MEI1: variants seen among roughly 807,000 people sequenced by gnomAD.
MEI1 encodes the protein meiosis inhibitor protein 1.
A neutral mutation model predicts 146.2 loss-of-function variants in MEI1; 103 were observed. That is an observed-to-expected ratio of 0.70 (90% confidence interval 0.60 to 0.83). The LOEUF (loss-of-function observed/expected upper bound fraction) is 0.83, where lower values mean the gene tolerates loss of function less well. MEI1 is among the 40% of genes least tolerant of loss of function. The probability of loss-of-function intolerance (pLI) is 0.00; values close to 1 mark genes in which losing one functional copy is unlikely to be tolerated. For synonymous variants in MEI1, 652 were observed against 628.2 expected (o/e 1.04, Z -0.57); for missense variants, 1,529 against 1,533.0 (o/e 1.00, Z 0.04).
Position 41,763,279 on chromosome 22 carries a change from T to C in MEI1, c.2226T>C (p.Tyr742=). Residue 742 remains tyrosine, a synonymous_variant, in exon 19 of 31, where the codon TAT becomes TAC. Coordinates refer to ENST00000401548, the MANE Select transcript of MEI1 (RefSeq NM_152513.4). Reference sequence around the variant, plus strand: ...TGGTGGTCTTCAAAGCCTCCATCTATCTGCTTGCAATCTGCCAGGACAAAG... The same window carrying C: ...TGGTGGTCTTCAAAGCCTCCATCTACCTGCTTGCAATCTGCCAGGACAAAG... ...PPLVVFKASI[Y]LLAICQDKDN... The C allele has an allele frequency of 6.2e-7, 1 of 1,614,000 alleles. No homozygotes were observed. Among genetic ancestry groups the C allele is most frequent in the Non-Finnish European group, 8.5e-7 (1 of 1,179,888 alleles).
At chr22:41,705,313 A>G (rs2069005459) in intron 2 of MEI1, among the ~76,000 whole-genome samples, 191 bp from the exon 3 acceptor site, 1 of 151,942 alleles carries the variant, frequency 6.6e-6, no homozygotes, top group Admixed American at 6.6e-5. Flanking sequence ...CTGGGACTAC[A>G]GGCACAGGCC....
chr22:41,776,123 G>T lies in MEI1; in HGVS notation c.2566G>T (p.Val856Leu). 6.2e-7 allele frequency: 1 copy of T among 1,613,948 alleles called. No homozygotes were observed. Among genetic ancestry groups the T allele is most frequent in the South Asian group, 1.1e-5 (1 of 91,082 alleles). ...ILLDLIYSSP[V>L]DTAHKVLISL... ...TCAGGACCTCATCTATTCCAGCCCA[G>T]TGGACACAGCTCACAAGGTACTGAT... Residue 856 changes from valine (V) to leucine (L), a missense_variant, in exon 21 of 31, where the codon GTG (valine) becomes TTG (leucine). Coordinates refer to ENST00000401548, the MANE Select transcript of MEI1 (RefSeq NM_152513.4).
In MEI1 at chr22:41,796,223, C is replaced by T. The variant is rs1008194148; in HGVS notation, c.3779+376C>T. On this transcript the variant is annotated intron_variant, in intron 30 of 30. Coordinates refer to ENST00000401548, the MANE Select transcript of MEI1 (RefSeq NM_152513.4). Reference sequence around the variant, plus strand: ...TCATTTTTGAGATGGAGTCTTGCTCCGTCGCCCAGGCTGGAGTGCAGTGGC... The same window carrying T: ...TCATTTTTGAGATGGAGTCTTGCTCTGTCGCCCAGGCTGGAGTGCAGTGGC... Among the ~76,000 whole-genome samples, 7 of 152,014 alleles carry T rather than the reference C, an allele frequency of 4.6e-5. No homozygotes were observed. In the South Asian group the frequency reaches 1.0e-3, roughly 23 times the overall value.
intron 10 of MEI1, 48 bp downstream of exon 10, chr22:41,732,392 A>C: frequency 6.2e-7 from 1 of 1,613,610 alleles, no homozygotes; most frequent in Non-Finnish European, 8.5e-7. Flanking sequence ...AGACTGCAGA[A>C]GGAAAAGTGG....
intron 5 of MEI1, among the ~76,000 whole-genome samples, chr22:41,716,355 CTTTTTT>C (rs6147630): frequency 2.6e-4 from 31 of 118,510 alleles, no homozygotes; most frequent in African/African-American, 9.6e-4. Context: ...TCCATTCATT[CTTTTTT>C]TTTTTTTTTT....
intron 15 of MEI1, 129 bp from the exon 16 acceptor site, chr22:41,752,462 G>A (rs748030634): frequency 9.9e-6 from 8 of 807,480 alleles, no homozygotes; most frequent in Non-Finnish European, 1.7e-5. Flanking sequence ...ACTAGACAGT[G>A]GTGGAGTACA....
chr22:41,732,632 C>T (rs1473249083), intron 11 of MEI1, 29 bp downstream of exon 11: 2 of 1,606,036 alleles, frequency 1.2e-6, no homozygotes, highest in Admixed American at 1.7e-5. Context: ...CTGAACTTTC[C>T]ATCCCTGCAT....
intron 24 of MEI1, among the ~76,000 whole-genome samples, chr22:41,782,546 T>G (rs987256658): frequency 6.6e-6 from 1 of 152,190 alleles, no homozygotes; most frequent in African/African-American, 2.4e-5. Flanking sequence ...CTACTTCTCA[T>G]GGAAACCATC....
intron 17 of MEI1, among the ~76,000 whole-genome samples, chr22:41,756,066 A>G (rs2074072938): frequency 6.6e-6 from 1 of 152,172 alleles, no homozygotes; most frequent in Non-Finnish European, 1.5e-5. Context: ...GTAGTGTCAA[A>G]TAGTGATGAA....
chr22:41,736,532 C>T (rs191151820), intron 11 of MEI1, among the ~76,000 whole-genome samples: 5 of 152,174 alleles, frequency 3.3e-5, no homozygotes, highest in East Asian at 1.9e-4. Flanking sequence ...GGATTACAGG[C>T]GTGAGCTACC....
intron 3 of MEI1, among the ~76,000 whole-genome samples, chr22:41,711,808 A>G (rs1170487421): frequency 6.6e-6 from 1 of 152,150 alleles, no homozygotes; most frequent in Non-Finnish European, 1.5e-5. Context: ...GTTTGGAGCT[A>G]AGAGATAATG....
chr22:41,710,932 C>A (rs2069497127), intron 3 of MEI1, among the ~76,000 whole-genome samples: 1 of 152,162 alleles, frequency 6.6e-6, no homozygotes. Context: ...CAGCGCATAG[C>A]CTCCAGCTCT....
At chr22:41,722,775 G>A (rs1489992869) in intron 6 of MEI1, among the ~76,000 whole-genome samples, 1 of 152,022 alleles carries the variant, frequency 6.6e-6, no homozygotes, top group Non-Finnish European at 1.5e-5. Context: ...ATTTCCTGCG[G>A]TCCTCTGGGC....
chr22:41,714,405 T>C (rs1329022982), intron 4 of MEI1, among the ~76,000 whole-genome samples: 5 of 152,198 alleles, frequency 3.3e-5, no homozygotes, highest in African/African-American at 1.2e-4. Context: ...CAAGGAAATA[T>C]GTTCTCTATG....
At position 41,723,980 on chromosome 22, in the gene MEI1, G is replaced by A. The variant is rs1328763885; in HGVS notation, c.771G>A (p.Val257=). Reference sequence around the variant, plus strand: ...AGCTGTTGAAGTATGATCTCTTTGTGTCCATGATCATGAACCAGGATGGAC... The same window carrying A: ...AGCTGTTGAAGTATGATCTCTTTGTATCCATGATCATGAACCAGGATGGAC... ...LRQLLKYDLF[V]SMIMNQDGLG... is the part of the protein sequence containing the mutation. The change falls in exon 7 of 31, where the codon GTG becomes GTA. Residue 257 remains valine, a synonymous_variant. Coordinates refer to ENST00000401548, the MANE Select transcript of MEI1 (RefSeq NM_152513.4). The A allele has an allele frequency of 1.2e-5, 20 of 1,610,862 alleles. No homozygotes were observed. The highest frequency in any genetic ancestry group is 1.6e-5 in the Non-Finnish European group (19 of 1,178,578).
chr22:41,765,768 A>G (rs556808888), intron 19 of MEI1, among the ~76,000 whole-genome samples: 51 of 151,882 alleles, frequency 3.4e-4, no homozygotes, highest in Non-Finnish European at 6.2e-4. Context: ...AAGAATTAGG[A>G]CTTTCTCTGT....
At chr22:41,774,957 T>C (rs556551259) in intron 20 of MEI1, among the ~76,000 whole-genome samples, 6 of 152,266 alleles carry the variant, frequency 3.9e-5, no homozygotes, top group African/African-American at 1.4e-4. Context: ...GCCAGATGCA[T>C]TGTAGCCATA....
At chr22:41,751,886 A>T (rs1448314860) in intron 15 of MEI1, among the ~76,000 whole-genome samples, 1 of 151,868 alleles carries the variant, frequency 6.6e-6, no homozygotes, top group Non-Finnish European at 1.5e-5. Context: ...CCTGGCCAAC[A>T]TGGTGAAACC....
intron 25 of MEI1, 33 bp downstream of exon 25, chr22:41,784,453 G>C: frequency 1.2e-6 from 2 of 1,610,976 alleles, no homozygotes; most frequent in Non-Finnish European, 1.7e-6. Flanking sequence ...CAGAAGAAAA[G>C]CTTTTTCCCT....
Sources: gnomAD v4.1 joint callset for allele counts (sites outside exome capture counted in the v4.1 genomes callset) on GRCh38, gnomAD v4.1.1 for gene constraint, MANE v1.5 for transcripts, NCBI Gene and HGNC (gene_info 2026-07-23, HGNC 2026-07-21) for gene names.